The following AGO2 variants were observed in gnomAD, a reference collection of about 807,000 sequenced individuals.
AGO2 encodes the protein argonaute RISC catalytic component 2.
A neutral mutation model predicts 102.3 loss-of-function variants in AGO2; 5 were observed. The observed-to-expected ratio is 0.05, with a 90% CI of 0.03 to 0.10. The LOEUF (loss-of-function observed/expected upper bound fraction) is 0.10, where lower values mean the gene tolerates loss of function less well. Among genes scored for constraint, AGO2 ranks in the 10% least tolerant of loss-of-function variants. The pLI is 1.00. For synonymous variants in AGO2, 449 were observed against 473.1 expected (o/e 0.95, Z 0.66); for missense variants, 541 against 1,183.7 (o/e 0.46, Z 7.97).
intron 3 of AGO2, 90 bp downstream of exon 3, chr8:140,572,722 T>C: frequency 6.6e-7 from 1 of 1,508,112 alleles, no homozygotes; most frequent in Non-Finnish European, 8.9e-7. Flanking sequence ...AATAGTTTCG[T>C]GTATGAGAAC....
Position 140,539,559 on chromosome 8 carries a change from T to A in AGO2, c.2035-105A>T. The A allele has an allele frequency of 1.5e-6, 2 of 1,324,318 alleles. No homozygotes were observed. Among genetic ancestry groups the A allele is most frequent in the Non-Finnish European group, 2.1e-6 (2 of 960,182 alleles). The allele number at this position is 1,324,318 out of a possible 1,614,324, so 82.0% of individuals were successfully genotyped here. A position where few individuals can be genotyped will look rare whatever the true frequency, so the allele number is the denominator to read the frequency against. On this transcript the variant is annotated intron_variant, in intron 15 of 18. Transcript: ENST00000220592. The surrounding 1 kb of genome is among the most constrained non-coding windows in gnomAD (Gnocchi z 4.7). ...TGAGAACACCCAGCCGTGGTGATTC[T>A]GAGAGACAATGAGTGTGTTCACGGG... is the stretch of plus-strand genomic sequence containing the variant.
chr8:140,606,624 G>A (rs2074001626), intron 1 of AGO2, among the ~76,000 whole-genome samples: 1 of 152,172 alleles, frequency 6.6e-6, no homozygotes, highest in Non-Finnish European at 1.5e-5. Context: ...GGCAAGGCTT[G>A]GAAGCGTAGC....
intron 1 of AGO2, among the ~76,000 whole-genome samples, chr8:140,622,148 G>A (rs2152107823): frequency 1.3e-5 from 2 of 152,360 alleles, no homozygotes; most frequent in South Asian, 4.1e-4. Context: ...TTCACTGGCT[G>A]TGTGGCTTCA....
chr8:140,603,673 G>A (rs2073959558), intron 1 of AGO2, among the ~76,000 whole-genome samples: 1 of 152,182 alleles, frequency 6.6e-6, no homozygotes, highest in African/African-American at 2.4e-5. Context: ...TGTCCTTGAG[G>A]CTCATCCGCG....
chr8:140,593,380 C>T (rs1447900269), intron 1 of AGO2, among the ~76,000 whole-genome samples: 5 of 151,072 alleles, frequency 3.3e-5, no homozygotes, highest in African/African-American at 7.3e-5. Flanking sequence ...TTAGTAGGGA[C>T]GGGGTTTCAC....
At chr8:140,588,951 C>T (rs1392706751) in intron 1 of AGO2, among the ~76,000 whole-genome samples, 1 of 152,246 alleles carries the variant, frequency 6.6e-6, no homozygotes, top group Admixed American at 6.5e-5. Flanking sequence ...GCATCTCACA[C>T]AGTGAAAGGG....
At chr8:140,573,690 G>C (rs2073421219) in intron 2 of AGO2, among the ~76,000 whole-genome samples, 1 of 152,256 alleles carries the variant, frequency 6.6e-6, no homozygotes. Context: ...GCTCTGTGAA[G>C]GCACTGACGA....
In AGO2 at chr8:140,531,350, C is replaced by G. The variant is rs543422862; in HGVS notation, c.*694G>C. 1 of 152,514 alleles carries G rather than the reference C, an allele frequency of 6.6e-6. No homozygotes were observed. The highest frequency in any genetic ancestry group is 2.4e-5 in the African/African-American group (1 of 41,424). The allele number at this position is 152,514 out of a possible 1,614,324, so 9.4% of individuals were successfully genotyped here. ...ATTGTCTTTTTTCTTTTTTTAAATA[C>G]ATTTTTTATTAAAATGGCACTTGTC... On this transcript the variant is annotated 3_prime_UTR_variant, in exon 19 of 19. Coordinates refer to ENST00000220592, the MANE Select transcript of AGO2 (RefSeq NM_012154.5).
intron 13 of AGO2, among the ~76,000 whole-genome samples, chr8:140,544,575 TCAGGCC>T (rs56671580): frequency 0.62 from 93,442 of 151,228 alleles, 29,939 homozygotes; most frequent in African/African-American, 0.8. Context: ...AGGCTGGGGC[TCAGGCC>T]CAGGCCCAGG....
intron 11 of AGO2, among the ~76,000 whole-genome samples, chr8:140,549,588 C>T (rs894514050): frequency 5.3e-5 from 8 of 152,266 alleles, no homozygotes; most frequent in African/African-American, 1.9e-4. Flanking sequence ...TTAAACCGCG[C>T]TCACGCTGCC....
Position 140,523,229 on chromosome 8 carries a change from C to T in AGO2, c.*8815G>A, listed in dbSNP as rs1204102855. On this transcript the variant is annotated 3_prime_UTR_variant, in exon 19 of 19. Coordinates refer to ENST00000220592, the MANE Select transcript of AGO2 (RefSeq NM_012154.5). ...ATAGAGTACCACCTGAAACGAGGCC[C>T]TTGGAGCTGCTCAGCTTCTTAGAAA... The T allele has an allele frequency of 6.6e-6, 1 of 152,142 alleles. No homozygotes were observed. The highest frequency in any genetic ancestry group is 1.5e-5 in the Non-Finnish European group (1 of 68,034). The allele number at this position is 152,142 out of a possible 1,614,324, so 9.4% of individuals were successfully genotyped here. A position where few individuals can be genotyped will look rare whatever the true frequency, so the allele number is the denominator to read the frequency against.
intron 2 of AGO2, among the ~76,000 whole-genome samples, chr8:140,577,141 G>C (rs2073477962): frequency 1.4e-5 from 2 of 145,232 alleles, no homozygotes; most frequent in Admixed American, 1.5e-4. Flanking sequence ...CCGGGAGGCG[G>C]AGCTTGCAGT....
rs968774096 is a variant in AGO2, at chr8:140,535,458, C to G, written c.2271+10G>C. 16 of 1,613,834 alleles carry G rather than the reference C, an allele frequency of 9.9e-6. No individual in the cohort carries two copies. The African/African-American group carries it at 1.9e-4, about 19-fold the overall frequency. On this transcript the variant is annotated intron_variant, in intron 17 of 18. Coordinates refer to ENST00000220592, the MANE Select transcript of AGO2 (RefSeq NM_012154.5). ...CCAAGACTCTGTCCGAAGGGGACTC[C>G]CGGCCTTACCTGGATGCCAGCGTGA...
rs1163742172 is a variant in AGO2, at chr8:140,635,599, ACGATCCGCC to A, written c.-102_-94del. The A allele has an allele frequency of 7.9e-6, 7 of 882,840 alleles. No individual in the cohort carries two copies. The highest frequency in any genetic ancestry group is 9.5e-6 in the Non-Finnish European group (7 of 740,196). The allele number at this position is 882,840 out of a possible 1,614,324, so 54.7% of individuals were successfully genotyped here. A position where few individuals can be genotyped will look rare whatever the true frequency, so the allele number is the denominator to read the frequency against. On this transcript the variant is annotated 5_prime_UTR_variant, in exon 1 of 19. Coordinates refer to ENST00000220592, the MANE Select transcript of AGO2 (RefSeq NM_012154.5). Reference sequence around the variant, plus strand: ...GAGCCGCGAGGGAGCCGCCGGCCGCACGATCCGCCCCGGCGCGGCCGCCTCGCCAAACAG... The same window carrying A: ...GAGCCGCGAGGGAGCCGCCGGCCGCACCGGCGCGGCCGCCTCGCCAAACAG...
At chr8:140,560,183 C>T (rs750307682) in intron 5 of AGO2, among the ~76,000 whole-genome samples, 191 bp downstream of exon 5, 1 of 152,364 alleles carries the variant, frequency 6.6e-6, no homozygotes, top group East Asian at 1.9e-4. Context: ...CGTGGCTTCA[C>T]GCTGGCCTGA....
rs1471560973 is a variant in AGO2, at chr8:140,539,821, G to A, written c.2035-367C>T. Among the ~76,000 whole-genome samples, 2 of 152,230 alleles carry A rather than the reference G, an allele frequency of 1.3e-5. No homozygotes were observed. The highest frequency in any genetic ancestry group is 2.9e-5 in the Non-Finnish European group (2 of 68,038). ...GGCAGGCTTTGGGCTGGGCGCAGTG[G>A]CTCATGCCTGTAATCCCAGGACTTT... is the stretch of plus-strand genomic sequence containing the variant. On this transcript the variant is annotated intron_variant, in intron 15 of 18. Coordinates refer to ENST00000220592, the MANE Select transcript of AGO2 (RefSeq NM_012154.5). This position sits in a 1 kb window ranked among gnomAD's most constrained non-coding sequence, Gnocchi z 4.7.
Position 140,560,765 on chromosome 8 carries a change from G to A in AGO2, c.519-255C>T, listed in dbSNP as rs2073185815. 2.6e-5 allele frequency among the ~76,000 whole-genome samples: 4 copies of A among 152,374 alleles called. No individual in the cohort carries two copies. In the South Asian group the frequency reaches 6.2e-4, roughly 24 times the overall value. ...GAAAGACGTTTAAAGACACCGCACA[G>A]GTGGATCACAAGCCCCCAGGACCTG... is the stretch of plus-strand genomic sequence containing the variant. On this transcript the variant is annotated intron_variant, in intron 4 of 18. Coordinates refer to ENST00000220592, the MANE Select transcript of AGO2 (RefSeq NM_012154.5).
intron 1 of AGO2, among the ~76,000 whole-genome samples, chr8:140,632,315 G>T (rs967174717): frequency 6.6e-6 from 1 of 152,246 alleles, no homozygotes; most frequent in African/African-American, 2.4e-5. Flanking sequence ...CATGTCAACT[G>T]CCCCACGGGT....
intron 1 of AGO2, among the ~76,000 whole-genome samples, chr8:140,626,117 C>T (rs749291440): frequency 6.6e-6 from 1 of 151,954 alleles, no homozygotes; most frequent in African/African-American, 2.4e-5. Flanking sequence ...GTTCATGGCC[C>T]GGGGGGGCAC....
Sources: gnomAD v4.1 joint callset for allele counts (sites outside exome capture counted in the v4.1 genomes callset) on GRCh38, gnomAD v4.1.1 for gene constraint, Gnocchi (gnomAD v3.1) non-coding constraint, MANE v1.5 for transcripts, NCBI Gene and HGNC (gene_info 2026-07-23, HGNC 2026-07-21) for gene names.